Variants in BMPER observed in about 807,000 individuals in gnomAD.
The protein encoded by BMPER is BMP-binding endothelial regulator protein.
BMPER carries 45 observed loss-of-function variants against 87.3 expected under a neutral mutation model. That is an observed-to-expected ratio of 0.52 (90% confidence interval 0.41 to 0.66). The LOEUF (loss-of-function observed/expected upper bound fraction) is 0.66, where lower values mean the gene tolerates loss of function less well. BMPER is among the 30% of genes least tolerant of loss of function. The pLI is 0.00. For missense variants in BMPER, 784 were observed against 867.5 expected (o/e 0.90, Z 1.21); for synonymous variants, 326 against 316.2 (o/e 1.03, Z -0.33).
At chr7:34,126,347 T>C (rs2058680) in intron 13 of BMPER, among the ~76,000 whole-genome samples, 116,120 of 152,118 alleles carry the variant, frequency 0.76, 44,920 homozygotes, top group East Asian at 0.95. Flanking sequence ...ATCTGGGGAC[T>C]TGTGGACCAT....
intron 1 of BMPER, 53 bp downstream of exon 1, chr7:33,905,799 G>A: frequency 1.3e-6 from 2 of 1,517,020 alleles, no homozygotes; most frequent in Non-Finnish European, 1.8e-6. Flanking sequence ...TTTGGTACCT[G>A]GGAAAGGTGG....
At chr7:33,952,324 C>T (rs564212059) in intron 3 of BMPER, among the ~76,000 whole-genome samples, 1 of 152,216 alleles carries the variant, frequency 6.6e-6, no homozygotes, top group East Asian at 1.9e-4. Context: ...TGATTTTTCC[C>T]CCTCCTGTCT....
rs977269154 is a variant in BMPER at position 34,152,280 on chromosome 7, C to A, written c.1877-812C>A. ...CTAAATTCCTACTTGTGTCAACATT[C>A]CTATTCTTGAGGAATGAGGGGCGGC... On this transcript the variant is annotated intron_variant, in intron 14 of 14. Transcript: ENST00000649409. Among the ~76,000 whole-genome samples, 4 of 152,268 alleles carry A rather than the reference C, an allele frequency of 2.6e-5. No individual in the cohort carries two copies. In the South Asian group the frequency reaches 8.3e-4, roughly 32 times the overall value.
chr7:33,908,517 A>G (rs901441913), intron 2 of BMPER, among the ~76,000 whole-genome samples: 1 of 152,174 alleles, frequency 6.6e-6, no homozygotes, highest in African/African-American at 2.4e-5. Flanking sequence ...ACTTAGTGAT[A>G]AGAAGATAGA....
chr7:34,024,384 AATATATATATATATATAT>A (rs200214350), intron 6 of BMPER, among the ~76,000 whole-genome samples: 4,382 of 23,310 alleles, frequency 0.19, 530 homozygotes, highest in Non-Finnish European at 0.19. Context: ...AAAAAAAAAC[AATATATATATATATATAT>A]ATATATATAT....
chr7:34,131,473 A>AT (rs2127991717), intron 13 of BMPER, among the ~76,000 whole-genome samples: 1 of 152,246 alleles, frequency 6.6e-6, no homozygotes, highest in East Asian at 1.9e-4. Context: ...CCGCCCTTTG[A>AT]TTAATGCACG....
At chr7:34,140,394 C>G (rs912589257) in intron 13 of BMPER, among the ~76,000 whole-genome samples, 4 of 151,862 alleles carry the variant, frequency 2.6e-5, no homozygotes, top group Admixed American at 6.6e-5. Context: ...ACTTCCGAGA[C>G]AAAACACATA....
chr7:33,909,432 A>G (rs1783899819), intron 2 of BMPER, among the ~76,000 whole-genome samples: 3 of 152,172 alleles, frequency 2.0e-5, no homozygotes, highest in African/African-American at 4.8e-5. Context: ...TGAGTCTTTC[A>G]GGAGTTCAGT....
chr7:33,987,471 A>C (rs1332085982), intron 6 of BMPER, among the ~76,000 whole-genome samples: 1 of 152,170 alleles, frequency 6.6e-6, no homozygotes, highest in Non-Finnish European at 1.5e-5. Flanking sequence ...AGTCATACGC[A>C]GTGACTCATC....
intron 2 of BMPER, among the ~76,000 whole-genome samples, chr7:33,913,925 G>A (rs779957661): frequency 1.3e-5 from 2 of 151,066 alleles, no homozygotes; most frequent in Non-Finnish European, 1.5e-5. Context: ...TGGTAGGTAC[G>A]TTCATGATAG....
intron 12 of BMPER, among the ~76,000 whole-genome samples, chr7:34,084,879 C>A (rs918223344): frequency 1.3e-5 from 2 of 152,308 alleles, no homozygotes; most frequent in Non-Finnish European, 2.9e-5. Context: ...CAGATAATTT[C>A]TTCAGCATTT....
chr7:34,113,618 G>T, intron 13 of BMPER, among the ~76,000 whole-genome samples: 1 of 93,746 alleles, frequency 1.1e-5, no homozygotes, highest in Admixed American at 1.2e-4. Context: ...AAAACTTTGG[G>T]CTTAATAATA....
intron 6 of BMPER, among the ~76,000 whole-genome samples, chr7:34,024,386 T>A (rs1368850083): frequency 0.1 from 346 of 3,416 alleles, 4 homozygotes; most frequent in Middle Eastern, 0.25. Flanking sequence ...AAAAAAACAA[T>A]ATATATATAT....
chr7:34,109,858 G>A (rs1375242810), intron 13 of BMPER, among the ~76,000 whole-genome samples: 2 of 152,150 alleles, frequency 1.3e-5, no homozygotes, highest in Non-Finnish European at 2.9e-5. Flanking sequence ...AGTACCAATG[G>A]GTTAGTTCTA....
At chr7:34,101,122 T>G (rs570974180) in intron 13 of BMPER, among the ~76,000 whole-genome samples, 1 of 152,340 alleles carries the variant, frequency 6.6e-6, no homozygotes, top group East Asian at 1.9e-4. Flanking sequence ...TCTGGCCTAG[T>G]CTGTGTTGTT....
intron 6 of BMPER, among the ~76,000 whole-genome samples, chr7:34,001,716 A>G (rs2127935427): frequency 6.6e-6 from 1 of 151,624 alleles, no homozygotes; most frequent in Non-Finnish European, 1.5e-5. Context: ...TCTTCTGGTG[A>G]CTTTAAGGTT....
At chr7:34,069,849 T>A (rs1289428421) in intron 11 of BMPER, among the ~76,000 whole-genome samples, 1 of 152,206 alleles carries the variant, frequency 6.6e-6, no homozygotes, top group Non-Finnish European at 1.5e-5. Flanking sequence ...AGATGACTCA[T>A]TAGCTGTGCT....
chr7:34,041,124 A>G (rs1787821604), intron 6 of BMPER, among the ~76,000 whole-genome samples: 1 of 152,144 alleles, frequency 6.6e-6, no homozygotes, highest in South Asian at 2.1e-4. Context: ...TATTAGATGG[A>G]AATAACTCAG....
At chr7:34,040,509 C>T (rs1416464874) in intron 6 of BMPER, among the ~76,000 whole-genome samples, 2 of 151,886 alleles carry the variant, frequency 1.3e-5, no homozygotes, top group African/African-American at 2.4e-5. Flanking sequence ...GAATCTTGGA[C>T]ATGAAGCTGT....
Sources: allele counts gnomAD v4.1 joint callset (sites outside exome capture counted in the v4.1 genomes callset), GRCh38; gene constraint gnomAD v4.1.1; transcripts MANE v1.5; gene names NCBI Gene and HGNC (gene_info 2026-07-23, HGNC 2026-07-21).